The following MICU1 variants were observed in gnomAD, a reference collection of about 807,000 sequenced individuals.
The protein encoded by MICU1 is calcium uptake protein 1, mitochondrial.
In MICU1, 45 loss-of-function variants were observed where a neutral mutation model predicts 56.8. The observed-to-expected ratio is 0.79, with a 90% CI of 0.62 to 1.02. The LOEUF (loss-of-function observed/expected upper bound fraction) is 1.02. MICU1 is among the 50% of genes least tolerant of loss of function. MICU1 has a pLI of 0.00. For synonymous variants in MICU1, 186 were observed against 195.1 expected, an observed-to-expected ratio of 0.95 and a Z score of 0.39; for missense variants, 504 against 587.1, an observed-to-expected ratio of 0.86 and a Z score of 1.46.
intron 8 of MICU1, among the ~76,000 whole-genome samples, chr10:72,441,909 C>G (rs951841949): frequency 2.6e-5 from 4 of 152,138 alleles, no homozygotes; most frequent in African/African-American, 9.7e-5. Flanking sequence ...TGAGCCACCA[C>G]ACCCGGTCTC....
intron 8 of MICU1, among the ~76,000 whole-genome samples, chr10:72,424,622 T>C (rs1019885630): frequency 6.6e-6 from 1 of 152,108 alleles, no homozygotes; most frequent in Non-Finnish European, 1.5e-5. Context: ...TGGCCTCATA[T>C]AGTCACTATA....
chr10:72,447,463 C>G (rs958026783), intron 8 of MICU1, among the ~76,000 whole-genome samples: 4 of 151,980 alleles, frequency 2.6e-5, no homozygotes, highest in East Asian at 1.9e-4. Flanking sequence ...AATGACTTAA[C>G]AAGCCCATAA....
intron 8 of MICU1, among the ~76,000 whole-genome samples, chr10:72,465,133 T>A (rs1169003791): frequency 6.6e-6 from 1 of 152,092 alleles, no homozygotes; most frequent in African/African-American, 2.4e-5. Flanking sequence ...CCCGAGTAGC[T>A]GGAATTACAG....
chr10:72,514,390 T>C (rs1413005896), intron 5 of MICU1, among the ~76,000 whole-genome samples: 1 of 152,154 alleles, frequency 6.6e-6, no homozygotes, highest in Non-Finnish European at 1.5e-5. Flanking sequence ...TTTCTATGTA[T>C]GCATAATTTC....
intron 10 of MICU1, among the ~76,000 whole-genome samples, chr10:72,395,443 G>C (rs572175034): frequency 2.6e-5 from 4 of 152,316 alleles, no homozygotes; most frequent in African/African-American, 9.6e-5. Context: ...GACAGTGGGT[G>C]CAGCCCACGG....
chr10:72,515,492 A>G (rs905260990), intron 5 of MICU1, among the ~76,000 whole-genome samples: 1 of 152,204 alleles, frequency 6.6e-6, no homozygotes, highest in African/African-American at 2.4e-5. Flanking sequence ...GATTAGATTC[A>G]TATCTAGCTA....
chr10:72,441,544 A>G (rs1864928101), intron 8 of MICU1, among the ~76,000 whole-genome samples: 1 of 143,822 alleles, frequency 7.0e-6, no homozygotes, highest in African/African-American at 2.8e-5. Flanking sequence ...CTAGAACTTA[A>G]ATTATTTAAA....
chr10:72,395,934 A>C (rs1364678533), intron 10 of MICU1, among the ~76,000 whole-genome samples: 1 of 152,238 alleles, frequency 6.6e-6, no homozygotes, highest in Non-Finnish European at 1.5e-5. Flanking sequence ...TTGTTCTCCC[A>C]AGATGGCATC....
chr10:72,485,899 G>GCA (rs144168771), intron 6 of MICU1, among the ~76,000 whole-genome samples: 1,975 of 141,368 alleles, frequency 0.014, 45 homozygotes, highest in African/African-American at 0.047. Context: ...ACACACACAC[G>GCA]CACACACACA....
chr10:72,537,970 A>G (rs529878861), intron 4 of MICU1, among the ~76,000 whole-genome samples: 1 of 152,290 alleles, frequency 6.6e-6, no homozygotes, highest in East Asian at 1.9e-4. Flanking sequence ...GGAGCATACA[A>G]TTAGTTCAAT....
chr10:72,615,090 T>C (rs761966455), intron 1 of MICU1, among the ~76,000 whole-genome samples: 1 of 114,302 alleles, frequency 8.7e-6, no homozygotes, highest in South Asian at 2.6e-4. Context: ...TTCCTTGTGG[T>C]GTGGTTTTGT....
Position 72,566,210 on chromosome 10 carries a change from C to T in MICU1, c.161+423G>A, listed in dbSNP as rs1266534105. Among the ~76,000 whole-genome samples the T allele has an allele frequency of 3.3e-5, 5 of 152,050 alleles. No homozygotes were observed. The East Asian group carries it at 9.7e-4, about 29-fold the overall frequency. The stretch of plus-strand genomic sequence containing the variant: ...CTACAGGCTCACGCCCTGTGTCTGG[C>T]TATTTTTTGTATTTTTGTAGAGATG... On this transcript the variant is annotated intron_variant, in intron 2 of 11. Coordinates refer to ENST00000361114, the MANE Select transcript of MICU1 (RefSeq NM_001195518.2).
intron 1 of MICU1, among the ~76,000 whole-genome samples, chr10:72,605,751 T>C (rs1841669773): frequency 6.6e-6 from 1 of 152,224 alleles, no homozygotes; most frequent in Non-Finnish European, 1.5e-5. Context: ...TCTAAATGAC[T>C]TGAGCATCTG....
chr10:72,426,374 G>C (rs1225751803), intron 8 of MICU1, among the ~76,000 whole-genome samples: 1 of 151,204 alleles, frequency 6.6e-6, no homozygotes, highest in African/African-American at 2.4e-5. Flanking sequence ...ATGCAAAAAG[G>C]AAATGCTTAT....
chr10:72,488,421 C>T (rs907597846), intron 6 of MICU1, among the ~76,000 whole-genome samples: 3 of 152,014 alleles, frequency 2.0e-5, no homozygotes, highest in South Asian at 2.1e-4. Flanking sequence ...TATTTTAACA[C>T]GTCAGTATGG....
At chr10:72,465,978 T>C (rs907559036) in intron 8 of MICU1, among the ~76,000 whole-genome samples, 1 of 152,200 alleles carries the variant, frequency 6.6e-6, no homozygotes, top group Non-Finnish European at 1.5e-5. Context: ...TTTCTTACCA[T>C]AGATCTTAGC....
chr10:72,376,762 G>C (rs1048234760), intron 10 of MICU1, among the ~76,000 whole-genome samples: 1 of 152,046 alleles, frequency 6.6e-6, no homozygotes, highest in South Asian at 2.1e-4. Flanking sequence ...TGGGGTGATG[G>C]AAAAATTTTG....
intron 6 of MICU1, among the ~76,000 whole-genome samples, chr10:72,503,259 G>T (rs1867136228): frequency 6.6e-6 from 1 of 152,164 alleles, no homozygotes; most frequent in African/African-American, 2.4e-5. Context: ...GGTCTAAAAA[G>T]CTCAATGAAC....
chr10:72,371,686 G>C lies in MICU1; in HGVS notation c.1271-3331C>G, dbSNP rs59552294. On this transcript the variant is annotated intron_variant, in intron 11 of 11. Coordinates refer to ENST00000361114, the MANE Select transcript of MICU1 (RefSeq NM_001195518.2). Reference sequence around the variant, plus strand: ...TTGACCCCGGGAGGCAGAGGTTGCCGTGAACCATGACTGTGCCATTGCACT... The same window carrying C: ...TTGACCCCGGGAGGCAGAGGTTGCCCTGAACCATGACTGTGCCATTGCACT... 5.4e-3 allele frequency among the ~76,000 whole-genome samples: 816 copies of C among 152,178 alleles called. 2 individuals are homozygous for C. Among genetic ancestry groups the C allele is most frequent in the Non-Finnish European group, 8.5e-3 (579 of 68,014 alleles).
Sources: allele counts gnomAD v4.1 joint callset (sites outside exome capture counted in the v4.1 genomes callset), GRCh38; gene constraint gnomAD v4.1.1; transcripts MANE v1.5; gene names NCBI Gene and HGNC (gene_info 2026-07-23, HGNC 2026-07-21).